Variants in AGBL1 observed in about 807,000 individuals in gnomAD.
AGBL1 encodes cytosolic carboxypeptidase 4.
A neutral mutation model predicts 118.9 loss-of-function variants in AGBL1; 130 were observed. That is an observed-to-expected ratio of 1.09 (90% confidence interval 0.95 to 1.26). AGBL1 has a LOEUF of 1.26. Among genes scored for constraint, AGBL1 ranks in the 50% most tolerant of loss-of-function variants. The pLI is 0.00. For missense variants in AGBL1, 1,584 were observed against 1,298.1 expected (o/e 1.22, Z -3.38); for synonymous variants, 555 against 478.9 (o/e 1.16, Z -2.08).
At chr15:86,792,291 G>A (rs2078505627) in intron 22 of AGBL1, among the ~76,000 whole-genome samples, 1 of 152,042 alleles carries the variant, frequency 6.6e-6, no homozygotes. Flanking sequence ...TTCCTTTCAT[G>A]TTCTAATTTG....
At chr15:86,756,732 G>A (rs2077946746) in intron 22 of AGBL1, among the ~76,000 whole-genome samples, 1 of 152,044 alleles carries the variant, frequency 6.6e-6, no homozygotes, top group Non-Finnish European at 1.5e-5. Context: ...AGTTCAGTAT[G>A]GCCGATCGAA....
chr15:86,891,298 T>C (rs866674450), intron 22 of AGBL1, among the ~76,000 whole-genome samples: 42 of 152,166 alleles, frequency 2.8e-4, no homozygotes, highest in Middle Eastern at 6.8e-3. Flanking sequence ...GATGCTTTGA[T>C]TTCTTTTCAG....
At chr15:86,864,025 G>T (rs1430838387) in intron 22 of AGBL1, among the ~76,000 whole-genome samples, 4 of 152,180 alleles carry the variant, frequency 2.6e-5, no homozygotes, top group Admixed American at 6.5e-5. Flanking sequence ...AGTCCCACCT[G>T]CTTGTCCCCA....
intron 24 of AGBL1, among the ~76,000 whole-genome samples, chr15:87,024,143 C>T (rs2081698708): frequency 6.6e-6 from 1 of 151,774 alleles, no homozygotes; most frequent in Non-Finnish European, 1.5e-5. Flanking sequence ...CAGAGCAGAA[C>T]TAAATGAAAC....
At chr15:86,766,295 A>G (rs2141280100) in intron 22 of AGBL1, among the ~76,000 whole-genome samples, 1 of 151,942 alleles carries the variant, frequency 6.6e-6, no homozygotes, top group South Asian at 2.1e-4. Flanking sequence ...TGTTTAATGC[A>G]ATTTACAATG....
At chr15:86,185,353 C>T (rs1427469265) in intron 5 of AGBL1, among the ~76,000 whole-genome samples, 1 of 152,154 alleles carries the variant, frequency 6.6e-6, no homozygotes, top group African/African-American at 2.4e-5. Flanking sequence ...TGTGGTGATT[C>T]CTCAAGGATC....
At chr15:86,934,041 A>C (rs2080636533) in intron 23 of AGBL1, among the ~76,000 whole-genome samples, 1 of 152,248 alleles carries the variant, frequency 6.6e-6, no homozygotes, top group Non-Finnish European at 1.5e-5. Context: ...AGTTATAGAA[A>C]CAAAATAATA....
chr15:86,777,670 C>A (rs980811495), intron 22 of AGBL1, among the ~76,000 whole-genome samples: 1 of 152,094 alleles, frequency 6.6e-6, no homozygotes, highest in Non-Finnish European at 1.5e-5. Context: ...ATTTTACATT[C>A]AGGCCAAACA....
intron 1 of AGBL1, among the ~76,000 whole-genome samples, chr15:86,119,545 C>G (rs754653597): frequency 6.6e-6 from 1 of 152,078 alleles, no homozygotes; most frequent in Non-Finnish European, 1.5e-5. Context: ...GATCTGCCCC[C>G]CCGGACCCAT....
At chr15:86,940,472 T>C (rs1421376415) in intron 23 of AGBL1, among the ~76,000 whole-genome samples, 1 of 152,162 alleles carries the variant, frequency 6.6e-6, no homozygotes, top group East Asian at 1.9e-4. Context: ...ACTGGTTATA[T>C]GCTGAATACC....
intron 22 of AGBL1, among the ~76,000 whole-genome samples, chr15:86,789,303 G>A (rs952117722): frequency 1.3e-5 from 2 of 152,218 alleles, no homozygotes. Flanking sequence ...CAGGGAAGTA[G>A]CATAATGCAG....
At position 86,915,393 on chromosome 15, in the gene AGBL1, C is replaced by T. The variant is rs2080406471; in HGVS notation, c.*8099C>T. The T allele has an allele frequency of 6.6e-6, 1 of 152,220 alleles. No homozygotes were observed. Among genetic ancestry groups the T allele is most frequent in the Non-Finnish European group, 1.5e-5 (1 of 68,056 alleles). The allele number at this position is 152,220 out of a possible 1,614,324, so 9.4% of individuals were successfully genotyped here. A position where few individuals can be genotyped will look rare whatever the true frequency, so the allele number is the denominator to read the frequency against. ...CAGCCACTACGTAATTTTCTGGTCT[C>T]TTCTCTTGACATCAGCCCCTGTTAA... On this transcript the variant is annotated 3_prime_UTR_variant, in exon 23 of 23. Coordinates refer to ENST00000614907, the MANE Select transcript of AGBL1 (RefSeq NM_001386094.1).
chr15:86,210,371 G>A (rs1008466443), intron 5 of AGBL1, among the ~76,000 whole-genome samples: 6 of 152,162 alleles, frequency 3.9e-5, no homozygotes, highest in Non-Finnish European at 2.9e-5. Context: ...TCCCTTGCTA[G>A]GTTGGGGAAA....
chr15:86,312,757 A>G (rs1054050347), intron 17 of AGBL1, among the ~76,000 whole-genome samples: 3 of 152,196 alleles, frequency 2.0e-5, no homozygotes, highest in African/African-American at 7.2e-5. Flanking sequence ...GGAAGTGGCT[A>G]TTCATGAAAC....
intron 17 of AGBL1, among the ~76,000 whole-genome samples, chr15:86,321,854 C>T (rs1005154470): frequency 7.6e-6 from 1 of 130,832 alleles, no homozygotes; most frequent in Non-Finnish European, 1.6e-5. Context: ...GTGATATTTT[C>T]ATTTTCTGTC....
At chr15:86,697,503 ATT>A (rs55678017) in intron 22 of AGBL1, among the ~76,000 whole-genome samples, 3,213 of 144,380 alleles carry the variant, frequency 0.022, 146 homozygotes, top group East Asian at 0.18. Flanking sequence ...ATCTTGTATC[ATT>A]TTTTTTTTTT....
chr15:86,736,163 A>G (rs1031874200), intron 22 of AGBL1, among the ~76,000 whole-genome samples: 1 of 152,152 alleles, frequency 6.6e-6, no homozygotes, highest in Non-Finnish European at 1.5e-5. Flanking sequence ...TGGGCAGATC[A>G]CGAGGTCAGG....
rs546555903 is a variant in AGBL1 at position 86,907,938 on chromosome 15, G to C, written c.*644G>C. 6.4e-4 allele frequency: 97 copies of C among 152,226 alleles called. No individual in the cohort carries two copies. Among genetic ancestry groups the C allele is most frequent in the African/African-American group, 2.0e-3 (85 of 41,536 alleles). 9.4% of individuals were successfully genotyped at this position (152,226 alleles called of 1,614,324 possible). A position where few individuals can be genotyped will look rare whatever the true frequency, so the allele number is the denominator to read the frequency against. On this transcript the variant is annotated 3_prime_UTR_variant, in exon 23 of 23. Coordinates refer to ENST00000614907, the MANE Select transcript of AGBL1 (RefSeq NM_001386094.1). Reference sequence around the variant, plus strand: ...ACTAGACTCTTAGAAATAAGACATTGTCACTGATCTTCACAGATTTTAAGA... The same window carrying C: ...ACTAGACTCTTAGAAATAAGACATTCTCACTGATCTTCACAGATTTTAAGA...
chr15:86,091,767 A>T (rs1206847641), intron 1 of AGBL1, among the ~76,000 whole-genome samples: 1 of 152,092 alleles, frequency 6.6e-6, no homozygotes, highest in African/African-American at 2.4e-5. Context: ...ACTTCCAGTA[A>T]AATAAATCTC....
Sources: allele counts gnomAD v4.1 joint callset (sites outside exome capture counted in the v4.1 genomes callset), GRCh38; gene constraint gnomAD v4.1.1; transcripts MANE v1.5; gene names NCBI Gene and HGNC (gene_info 2026-07-23, HGNC 2026-07-21).